AFAP1: variants seen among roughly 807,000 people sequenced by gnomAD.
AFAP1 encodes the protein actin filament associated protein 1.
A neutral mutation model predicts 93.9 loss-of-function variants in AFAP1; 75 were observed. The ratio of observed to expected loss-of-function variants is 0.80; its 90% CI spans 0.66 to 0.97. The LOEUF is 0.97. Among genes scored for constraint, AFAP1 ranks in the 50% least tolerant of loss-of-function variants. The pLI, the probability that AFAP1 is intolerant of heterozygous loss-of-function variation, is 0.00. For missense variants in AFAP1, 1,201 were observed against 1,050.8 expected (o/e 1.14, Z -1.98); for synonymous variants, 517 against 430.7 (o/e 1.20, Z -2.48).
In AFAP1 at chr4:7,801,931, A is replaced by AAAAAAAAAC. The variant is rs1560167819; in HGVS notation, c.1055-1279_1055-1278insGTTTTTTTT. On this transcript the variant is annotated intron_variant, in intron 9 of 17. Transcript: ENST00000420658. ...CCCTATCACAAAAAAAAAAAAAAAA[A>AAAAAAAAAC]AAAAAAAAAAACTAATCAATTAAAA... Among the ~76,000 whole-genome samples the AAAAAAAAAC allele has an allele frequency of 6.2e-4, 93 of 151,088 alleles. 1 individual carries two copies. The highest frequency in any genetic ancestry group is 2.2e-3 in the African/African-American group (90 of 41,044).
chr4:7,907,468 C>A (rs115587099), intron 1 of AFAP1, among the ~76,000 whole-genome samples: 73 of 152,252 alleles, frequency 4.8e-4, no homozygotes, highest in African/African-American at 1.7e-3. Context: ...CTTTGACAAC[C>A]GAGGGATCTA....
intron 12 of AFAP1, 72 bp from the exon 13 acceptor site, chr4:7,781,699 C>G: frequency 6.6e-7 from 1 of 1,522,646 alleles, no homozygotes; most frequent in Non-Finnish European, 8.9e-7. Context: ...AGTGAGATGT[C>G]ATTTATTAAT....
intron 1 of AFAP1, among the ~76,000 whole-genome samples, chr4:7,914,883 G>A (rs1479506934): frequency 1.3e-5 from 2 of 151,990 alleles, no homozygotes; most frequent in African/African-American, 4.8e-5. Flanking sequence ...AAGTAGCTGG[G>A]ATTATGGGCG....
At chr4:7,811,416 C>G (rs532186657) in intron 8 of AFAP1, among the ~76,000 whole-genome samples, 3 of 151,998 alleles carry the variant, frequency 2.0e-5, no homozygotes, top group South Asian at 2.1e-4. Flanking sequence ...ACTCCTAAAC[C>G]CTTCCTCTGC....
At chr4:7,879,808 G>A (rs760505775) in intron 1 of AFAP1, among the ~76,000 whole-genome samples, 4 of 150,554 alleles carry the variant, frequency 2.7e-5, no homozygotes, top group Non-Finnish European at 4.4e-5. Flanking sequence ...TGGGACTGCA[G>A]GCACGCACCA....
chr4:7,915,167 G>GC (rs1560234320), intron 1 of AFAP1, among the ~76,000 whole-genome samples: 4 of 152,168 alleles, frequency 2.6e-5, no homozygotes, highest in African/African-American at 9.7e-5. Context: ...GTCAGTGTGC[G>GC]CCCCCGCGCC....
intron 1 of AFAP1, among the ~76,000 whole-genome samples, chr4:7,913,289 C>T (rs1370547592): frequency 6.6e-6 from 1 of 150,520 alleles, no homozygotes; most frequent in African/African-American, 2.4e-5. Flanking sequence ...ACTTGGGAGG[C>T]TGAGGTGGGA....
At chr4:7,819,814 T>C (rs531752758) in intron 6 of AFAP1, among the ~76,000 whole-genome samples, 12 of 152,304 alleles carry the variant, frequency 7.9e-5, no homozygotes, top group African/African-American at 2.9e-4. Flanking sequence ...TCAAGAGCAT[T>C]GGCTCAGGAC....
chr4:7,800,484 C>T lies in AFAP1; in HGVS notation c.1224G>A (p.Thr408=), dbSNP rs557744197. The change falls in exon 10 of 18, where the codon ACG becomes ACA. Residue 408 remains threonine (T), a synonymous_variant. Transcript: ENST00000420658. ...CCTGGCCGTTGCGCAGCAGCCGGAA[C>T]GTCAGAGGATGTTTAGAATCCAAAC... The part of the protein sequence containing the change: ...IPGLDSKHPL[T]FRLLRNGQEV... 15 of 1,614,090 alleles carry T rather than the reference C, an allele frequency of 9.3e-6. 1 individual carries two copies. The highest frequency in any genetic ancestry group is 8.9e-5 in the East Asian group (4 of 44,900).
chr4:7,837,919 T>C (rs931951293), intron 6 of AFAP1, among the ~76,000 whole-genome samples: 2 of 151,956 alleles, frequency 1.3e-5, no homozygotes, highest in Admixed American at 6.6e-5. Context: ...GAGGCTGAGG[T>C]GGGAGGATCG....
chr4:7,906,479 A>G (rs1719409816), intron 1 of AFAP1, among the ~76,000 whole-genome samples: 1 of 152,206 alleles, frequency 6.6e-6, no homozygotes, highest in Non-Finnish European at 1.5e-5. Flanking sequence ...CCGGAGAAAA[A>G]TAGTGAGTCC....
intron 1 of AFAP1, among the ~76,000 whole-genome samples, chr4:7,873,242 C>CA (rs1195209480): frequency 0.15 from 9,722 of 64,108 alleles, 1,186 homozygotes; most frequent in African/African-American, 0.17. Context: ...GACTCTGTCT[C>CA]AAAAAAAAAA....
chr4:7,854,798 C>T (rs1332235563), intron 4 of AFAP1, among the ~76,000 whole-genome samples: 1 of 152,088 alleles, frequency 6.6e-6, no homozygotes, highest in Non-Finnish European at 1.5e-5. Context: ...ATGGTAGCCC[C>T]CCGCCTGACA....
rs192659582 is a variant in AFAP1, at chr4:7,765,968, G to A, written c.2419-2177C>T. Among the ~76,000 whole-genome samples the A allele has an allele frequency of 1.6e-4, 25 of 152,324 alleles. No individual in the cohort carries two copies. The South Asian group carries it at 1.7e-3, about 10-fold the overall frequency. ...AGTGACCCTGCGCCAGGATGCAGAC[G>A]CCTGACTCCCACTATTTCCAGGGGC... is the stretch of plus-strand genomic sequence containing the variant. On this transcript the variant is annotated intron_variant, in intron 17 of 17. Transcript: ENST00000420658.
At chr4:7,803,675 G>C (rs528552013) in intron 9 of AFAP1, among the ~76,000 whole-genome samples, 1 of 152,232 alleles carries the variant, frequency 6.6e-6, no homozygotes, top group Admixed American at 6.5e-5. Flanking sequence ...AACCACAGGG[G>C]ACCTGGTCCC....
At chr4:7,906,373 G>T (rs992596066) in intron 1 of AFAP1, among the ~76,000 whole-genome samples, 2 of 152,152 alleles carry the variant, frequency 1.3e-5, no homozygotes, top group African/African-American at 4.8e-5. Flanking sequence ...GAATTACGAA[G>T]CAAAAAACAA....
At chr4:7,824,775 C>G (rs975907046) in intron 6 of AFAP1, among the ~76,000 whole-genome samples, 2 of 151,716 alleles carry the variant, frequency 1.3e-5, no homozygotes, top group Admixed American at 1.3e-4. Context: ...AGGGGGATGG[C>G]GAGAAATTGG....
chr4:7,930,776 A>T (rs980444434), intron 1 of AFAP1, among the ~76,000 whole-genome samples: 2 of 152,156 alleles, frequency 1.3e-5, no homozygotes, highest in African/African-American at 4.8e-5. Flanking sequence ...TTTGAGACAG[A>T]GTCTACCTCT....
intron 1 of AFAP1, among the ~76,000 whole-genome samples, chr4:7,872,850 C>T (rs1339664630): frequency 6.7e-6 from 1 of 149,108 alleles, no homozygotes. Context: ...AGCATCTTAG[C>T]ACGAATCAAG....
Sources: allele counts gnomAD v4.1 joint callset (sites outside exome capture counted in the v4.1 genomes callset), GRCh38; gene constraint gnomAD v4.1.1; transcripts MANE v1.5; gene names NCBI Gene and HGNC (gene_info 2026-07-23, HGNC 2026-07-21).